Variants in TSHZ2 observed in about 807,000 individuals in gnomAD.
The protein encoded by TSHZ2 is teashirt zinc finger homeobox 2.
TSHZ2 carries 21 observed loss-of-function variants against 74.4 expected under a neutral mutation model. That is an observed-to-expected ratio of 0.28 (90% CI 0.20 to 0.41). The LOEUF is 0.41. Ranked by LOEUF, TSHZ2 falls within the 10% of genes least tolerant of loss-of-function variation. TSHZ2 has a pLI of 1.00. For missense variants in TSHZ2, 1,244 were observed against 1,293.5 expected, an observed-to-expected ratio of 0.96 and a Z score of 0.59; for synonymous variants, 540 against 515.3, an observed-to-expected ratio of 1.05 and a Z score of -0.65.
At chr20:53,424,746 G>C (rs986586942) in intron 2 of TSHZ2, among the ~76,000 whole-genome samples, 1 of 152,116 alleles carries the variant, frequency 6.6e-6, no homozygotes, top group Non-Finnish European at 1.5e-5. Context: ...TCCAGTGTCT[G>C]TTGTTCCCCT....
At chr20:53,219,459 A>G (rs529382249) in intron 1 of TSHZ2, among the ~76,000 whole-genome samples, 2 of 152,208 alleles carry the variant, frequency 1.3e-5, no homozygotes, top group Non-Finnish European at 2.9e-5. Context: ...AGTTAGCACT[A>G]TAACTTTCTA....
chr20:53,224,821 G>A (rs1202038649), intron 1 of TSHZ2, among the ~76,000 whole-genome samples: 1 of 147,420 alleles, frequency 6.8e-6, no homozygotes, highest in Non-Finnish European at 1.5e-5. Context: ...CAGCACTCCA[G>A]CCTGGGTGAC....
At chr20:53,481,366 G>T (rs1179352204) in intron 2 of TSHZ2, among the ~76,000 whole-genome samples, 1 of 152,104 alleles carries the variant, frequency 6.6e-6, no homozygotes, top group Non-Finnish European at 1.5e-5. Flanking sequence ...GAGTTCAGGA[G>T]TTCAAGACTA....
intron 2 of TSHZ2, among the ~76,000 whole-genome samples, chr20:53,378,104 G>T (rs1041365770): frequency 4.6e-5 from 7 of 152,160 alleles, no homozygotes; most frequent in Non-Finnish European, 8.8e-5. Flanking sequence ...ACTTCGGGAG[G>T]CCGAGGCGGG....
At chr20:53,084,416 A>G (rs1892748822) in intron 1 of TSHZ2, among the ~76,000 whole-genome samples, 3 of 152,216 alleles carry the variant, frequency 2.0e-5, no homozygotes, top group Non-Finnish European at 4.4e-5. Flanking sequence ...TCAGCCCAAC[A>G]ATATGTCACT....
At chr20:53,198,519 C>T (rs574417069) in intron 1 of TSHZ2, among the ~76,000 whole-genome samples, 5 of 152,226 alleles carry the variant, frequency 3.3e-5, no homozygotes, top group East Asian at 1.9e-4. Context: ...AGGAACCACA[C>T]GTCAAATCTC....
intron 1 of TSHZ2, among the ~76,000 whole-genome samples, chr20:53,150,101 A>G (rs1051080229): frequency 1.3e-5 from 2 of 152,172 alleles, no homozygotes; most frequent in Admixed American, 6.5e-5. Context: ...CTTCATAGCA[A>G]TCCTATGAGA....
intron 2 of TSHZ2, among the ~76,000 whole-genome samples, chr20:53,344,410 G>A (rs1292789074): frequency 6.6e-6 from 1 of 152,270 alleles, no homozygotes; most frequent in South Asian, 2.1e-4. Flanking sequence ...CCCTACCGCT[G>A]AATTGACCAT....
At chr20:53,338,596 G>A (rs984243585) in intron 2 of TSHZ2, among the ~76,000 whole-genome samples, 1 of 152,184 alleles carries the variant, frequency 6.6e-6, no homozygotes, top group Non-Finnish European at 1.5e-5. Flanking sequence ...GAGGGCTGGG[G>A]TGGTACTGGC....
intron 2 of TSHZ2, among the ~76,000 whole-genome samples, chr20:53,475,706 T>G (rs1985971038): frequency 7.2e-6 from 1 of 138,920 alleles, no homozygotes; most frequent in South Asian, 2.4e-4. Context: ...TTCAAAAAAT[T>G]AATGAATCCA....
chr20:53,423,856 C>T (rs907937770), intron 2 of TSHZ2, among the ~76,000 whole-genome samples: 1 of 152,164 alleles, frequency 6.6e-6, no homozygotes, highest in African/African-American at 2.4e-5. Context: ...AGGTGAGTTT[C>T]GGGGGATATT....
chr20:53,228,092 C>T (rs187349284), intron 1 of TSHZ2, among the ~76,000 whole-genome samples: 5 of 121,538 alleles, frequency 4.1e-5, no homozygotes, highest in Admixed American at 9.1e-5. Context: ...GAGGTGGATG[C>T]TGGCCCCCAA....
intron 1 of TSHZ2, among the ~76,000 whole-genome samples, chr20:53,094,239 C>G (rs1985970691): frequency 6.6e-6 from 1 of 152,160 alleles, no homozygotes; most frequent in Non-Finnish European, 1.5e-5. Context: ...AACTACTGTA[C>G]TAAGTCATAA....
chr20:53,061,533 T>C (rs931115618), intron 1 of TSHZ2, among the ~76,000 whole-genome samples: 4 of 152,246 alleles, frequency 2.6e-5, no homozygotes, highest in African/African-American at 9.6e-5. Context: ...CAGCAGGTTA[T>C]GAAGATGCTG....
intron 2 of TSHZ2, among the ~76,000 whole-genome samples, chr20:53,314,287 C>CAAAAAAAAAAAAAAAAA (rs5841941): frequency 1.5e-5 from 2 of 131,710 alleles, no homozygotes; most frequent in Non-Finnish European, 3.2e-5. Flanking sequence ...GACTCTGTCT[C>CAAAAAAAAAAAAAAAAA]AAAAAAAAAA....
chr20:53,343,170 C>T (rs962979421), intron 2 of TSHZ2, among the ~76,000 whole-genome samples: 2 of 151,724 alleles, frequency 1.3e-5, no homozygotes, highest in Non-Finnish European at 2.9e-5. Flanking sequence ...TTTCACTTTC[C>T]TGGCCAGGTT....
At chr20:52,973,520 G>A (rs943650241) in intron 1 of TSHZ2, among the ~76,000 whole-genome samples, 187 bp downstream of exon 1, 1 of 152,124 alleles carries the variant, frequency 6.6e-6, no homozygotes, top group Non-Finnish European at 1.5e-5. Context: ...TCCAAGCTCC[G>A]GTTGGGTTGG....
chr20:53,315,240 G>A (rs1240765320), intron 2 of TSHZ2, among the ~76,000 whole-genome samples: 1 of 152,212 alleles, frequency 6.6e-6, no homozygotes, highest in East Asian at 1.9e-4. Flanking sequence ...TAGTTTTGAT[G>A]TGTGTGCCTA....
At chr20:53,427,747 A>G (rs902958556) in intron 2 of TSHZ2, among the ~76,000 whole-genome samples, 2 of 152,192 alleles carry the variant, frequency 1.3e-5, no homozygotes, top group African/African-American at 4.8e-5. Flanking sequence ...CCTTCATACA[A>G]TGTGCCCCCC....
Sources: gnomAD v4.1 joint callset for allele counts (sites outside exome capture counted in the v4.1 genomes callset) on GRCh38, gnomAD v4.1.1 for gene constraint, MANE v1.5 for transcripts, NCBI Gene and HGNC (gene_info 2026-07-23, HGNC 2026-07-21) for gene names.